Variants in FSTL5 observed in about 807,000 individuals in gnomAD.
FSTL5 encodes follistatin-related protein 5.
FSTL5 carries 62 observed loss-of-function variants against 89.1 expected under a neutral mutation model. The observed-to-expected ratio is 0.70, with a 90% CI of 0.57 to 0.86. The LOEUF is 0.86. Ranked by LOEUF, FSTL5 falls within the 40% of genes least tolerant of loss-of-function variation. The pLI is 0.00. For synonymous variants in FSTL5, 383 were observed against 346.2 expected, an observed-to-expected ratio of 1.11 and a Z score of -1.18; for missense variants, 1,057 against 1,001.6, an observed-to-expected ratio of 1.06 and a Z score of -0.75.
intron 6 of FSTL5, among the ~76,000 whole-genome samples, chr4:161,752,765 A>G (rs1213235930): frequency 1.3e-5 from 2 of 152,132 alleles, no homozygotes; most frequent in Non-Finnish European, 2.9e-5. Context: ...CTAACCCTCA[A>G]TGTGACTATA....
At chr4:161,724,085 T>G (rs1008815404) in intron 6 of FSTL5, among the ~76,000 whole-genome samples, 1 of 152,080 alleles carries the variant, frequency 6.6e-6, no homozygotes. Flanking sequence ...TAAATCGTAT[T>G]AGTAGATTAA....
intron 4 of FSTL5, among the ~76,000 whole-genome samples, chr4:161,900,066 C>T (rs1470060924): frequency 6.6e-6 from 1 of 152,040 alleles, no homozygotes. Context: ...TGGTGGCACA[C>T]ACCTGTAGTC....
At chr4:161,837,138 G>T (rs972767194) in intron 4 of FSTL5, among the ~76,000 whole-genome samples, 13 of 152,128 alleles carry the variant, frequency 8.5e-5, no homozygotes, top group African/African-American at 3.1e-4. Context: ...GGTTTAAAAA[G>T]AGTGGAAAAT....
At chr4:161,939,670 A>G (rs138830713) in intron 3 of FSTL5, among the ~76,000 whole-genome samples, 1 of 152,128 alleles carries the variant, frequency 6.6e-6, no homozygotes, top group East Asian at 1.9e-4. Flanking sequence ...CTTATTACCA[A>G]TTCAGACAAT....
At chr4:161,895,959 G>T (rs1438450238) in intron 4 of FSTL5, among the ~76,000 whole-genome samples, 4 of 152,138 alleles carry the variant, frequency 2.6e-5, no homozygotes, top group Non-Finnish European at 4.4e-5. Flanking sequence ...TTAGAAATCT[G>T]ATGATATTGG....
chr4:161,863,101 C>T (rs974159348), intron 4 of FSTL5, among the ~76,000 whole-genome samples: 3 of 152,172 alleles, frequency 2.0e-5, no homozygotes, highest in Admixed American at 2.0e-4. Context: ...TAACATTTAA[C>T]TATTCATATT....
intron 4 of FSTL5, among the ~76,000 whole-genome samples, chr4:161,872,936 G>GA (rs1321675828): frequency 1.3e-5 from 2 of 151,880 alleles, no homozygotes; most frequent in Non-Finnish European, 2.9e-5. Flanking sequence ...AATGAGAGGG[G>GA]AAAAAAGGAC....
chr4:161,782,370 A>T (rs1356057655), intron 4 of FSTL5, among the ~76,000 whole-genome samples: 1 of 152,206 alleles, frequency 6.6e-6, no homozygotes, highest in Non-Finnish European at 1.5e-5. Flanking sequence ...GCAATGGGTG[A>T]AACTTGTATT....
intron 6 of FSTL5, among the ~76,000 whole-genome samples, chr4:161,729,176 T>C (rs910435677): frequency 2.0e-5 from 3 of 152,154 alleles, no homozygotes; most frequent in Admixed American, 6.5e-5. Flanking sequence ...CCTTACCGCC[T>C]CCCCTACAAT....
chr4:161,861,520 TGA>T (rs1452358224), intron 4 of FSTL5, among the ~76,000 whole-genome samples: 1 of 152,170 alleles, frequency 6.6e-6, no homozygotes, highest in Non-Finnish European at 1.5e-5. Context: ...AAATGCTAAT[TGA>T]GTAATATCAC....
chr4:161,887,388 C>G (rs557006118), intron 4 of FSTL5, among the ~76,000 whole-genome samples: 1 of 108,166 alleles, frequency 9.2e-6, no homozygotes, highest in Non-Finnish European at 1.9e-5. Flanking sequence ...TTATCTCTAT[C>G]TATCATCTAT....
At chr4:161,955,734 G>T (rs1735010001) in intron 3 of FSTL5, among the ~76,000 whole-genome samples, 2 of 151,854 alleles carry the variant, frequency 1.3e-5, no homozygotes, top group African/African-American at 4.8e-5. Context: ...ATGCGCAAGT[G>T]AGTCTAGCCT....
intron 7 of FSTL5, among the ~76,000 whole-genome samples, chr4:161,640,022 A>C (rs181037420): frequency 1.3e-5 from 2 of 152,332 alleles, no homozygotes; most frequent in African/African-American, 4.8e-5. Flanking sequence ...TTTCAAAGGA[A>C]ATTTACATAC....
At chr4:161,792,875 C>T (rs958967184) in intron 4 of FSTL5, among the ~76,000 whole-genome samples, 6 of 152,174 alleles carry the variant, frequency 3.9e-5, no homozygotes, top group Non-Finnish European at 7.3e-5. Flanking sequence ...AGAGCTGTAA[C>T]ACAAACAGGG....
intron 15 of FSTL5, among the ~76,000 whole-genome samples, chr4:161,429,158 G>T (rs4582113): frequency 0.14 from 20,642 of 151,666 alleles, 1,684 homozygotes; most frequent in East Asian, 0.25. Context: ...GGGCTTTTTT[G>T]TGTGTGTGTG....
chr4:161,745,111 T>C (rs1278212426), intron 6 of FSTL5, among the ~76,000 whole-genome samples: 1 of 151,948 alleles, frequency 6.6e-6, no homozygotes, highest in South Asian at 2.1e-4. Flanking sequence ...ACAGTGATAA[T>C]ATAGCCTGGC....
At chr4:161,755,297 C>A (rs1015105048) in intron 6 of FSTL5, among the ~76,000 whole-genome samples, 1 of 152,018 alleles carries the variant, frequency 6.6e-6, no homozygotes, top group East Asian at 1.9e-4. Flanking sequence ...AATAACTTAT[C>A]TAATCCACAA....
chr4:161,465,133 A>T (rs1733708094), intron 13 of FSTL5, among the ~76,000 whole-genome samples: 1 of 152,110 alleles, frequency 6.6e-6, no homozygotes, highest in African/African-American at 2.4e-5. Flanking sequence ...ATACAGATAA[A>T]TTCAGGCCTT....
At position 161,706,177 on chromosome 4, in the gene FSTL5, T is replaced by C. The variant is rs1223506253; in HGVS notation, c.728-49683A>G. Among the ~76,000 whole-genome samples the C allele has an allele frequency of 4.6e-5, 7 of 151,110 alleles. No individual in the cohort carries two copies. The Admixed American group carries it at 4.6e-4, about 10-fold the overall frequency. On this transcript the variant is annotated intron_variant, in intron 6 of 15. Transcript: ENST00000306100. Reference sequence around the variant, plus strand: ...CATGTCACTGGCGCCTTTTGAGACTTAACTGCATTATCTATCAAATCATTT... The same window carrying C: ...CATGTCACTGGCGCCTTTTGAGACTCAACTGCATTATCTATCAAATCATTT...
Sources: allele counts gnomAD v4.1 joint callset (sites outside exome capture counted in the v4.1 genomes callset), GRCh38; gene constraint gnomAD v4.1.1; transcripts MANE v1.5; gene names NCBI Gene and HGNC (gene_info 2026-07-23, HGNC 2026-07-21).